Variants in ABLIM2 observed in about 807,000 individuals in gnomAD.
ABLIM2 encodes actin-binding LIM protein 2.
A neutral mutation model predicts 97.7 loss-of-function variants in ABLIM2; 53 were observed. The ratio of observed to expected loss-of-function variants is 0.54; its 90% confidence interval spans 0.44 to 0.68. The LOEUF (loss-of-function observed/expected upper bound fraction) is 0.68. ABLIM2 is among the 30% of genes least tolerant of loss of function. The probability of loss-of-function intolerance (pLI) is 0.00; values close to 1 mark genes in which losing one functional copy is unlikely to be tolerated. For synonymous variants in ABLIM2, 361 were observed against 345.8 expected, an observed-to-expected ratio of 1.04 and a Z score of -0.49; for missense variants, 835 against 867.2, an observed-to-expected ratio of 0.96 and a Z score of 0.47.
At chr4:8,153,066 C>G (rs926825973) in intron 1 of ABLIM2, among the ~76,000 whole-genome samples, 1 of 152,144 alleles carries the variant, frequency 6.6e-6, no homozygotes, top group South Asian at 2.1e-4. Context: ...TTGATGGCAT[C>G]AGGCCAGCAG....
rs760992340 is a variant in ABLIM2, at chr4:8,094,917, TTCCC to T, written c.338+2178_338+2181del. Among the ~76,000 whole-genome samples the T allele has an allele frequency of 1.4e-3, 206 of 146,966 alleles. 5 individuals are homozygous for T. Among genetic ancestry groups the T allele is most frequent in the African/African-American group, 8.3e-4 (33 of 39,618 alleles). On this transcript the variant is annotated intron_variant, in intron 3 of 20. Coordinates refer to ENST00000447017, the MANE Select transcript of ABLIM2 (RefSeq NM_001130083.2). Reference sequence around the variant, plus strand: ...GTAATTCCTTCCCTCCCTCCCTCTCTTCCCTCCCTCCCTCCCTTTCTTCCTTTCC... The same window carrying T: ...GTAATTCCTTCCCTCCCTCCCTCTCTTCCCTCCCTCCCTTTCTTCCTTTCC...
At chr4:8,020,600 C>G (rs1199739754) in intron 12 of ABLIM2, 3 of 465,928 alleles carry the variant, frequency 6.4e-6, no homozygotes, top group Non-Finnish European at 1.2e-5. Flanking sequence ...GGGCTCACTC[C>G]ATCTGCGCCT....
chr4:8,126,789 G>C (rs1023452583), intron 1 of ABLIM2, among the ~76,000 whole-genome samples: 2 of 152,004 alleles, frequency 1.3e-5, no homozygotes, highest in African/African-American at 2.4e-5. Flanking sequence ...CCAGATGGCC[G>C]GGCGTGTGGC....
In ABLIM2 at chr4:8,005,735, C is replaced by T. The variant is rs1275363718; in HGVS notation, c.1618+2324G>A. Among the ~76,000 whole-genome samples the T allele has an allele frequency of 2.0e-5, 3 of 152,198 alleles. No individual in the cohort carries two copies. Among genetic ancestry groups the T allele is most frequent in the African/African-American group, 7.2e-5 (3 of 41,446 alleles). On this transcript the variant is annotated intron_variant, in intron 16 of 20. Transcript: ENST00000447017. This position sits in a 1 kb window ranked among gnomAD's most constrained non-coding sequence, Gnocchi z 4.9. ...TGCCATCGGGACAGAAGTAAAGGCA[C>T]AATCAGAATGGTTAGACACAGCGGG... is the stretch of plus-strand genomic sequence containing the variant.
chr4:8,139,545 G>A (rs1364075783), intron 1 of ABLIM2, among the ~76,000 whole-genome samples: 5 of 152,104 alleles, frequency 3.3e-5, no homozygotes, highest in African/African-American at 9.7e-5. Context: ...TCAAAACCAC[G>A]ATGAGATACC....
rs1199288528 is a variant in ABLIM2, at chr4:8,022,780, C to T, written c.1268-2477G>A. 2 of 152,536 alleles carry T rather than the reference C, an allele frequency of 1.3e-5. No homozygotes were observed. Among genetic ancestry groups the T allele is most frequent in the Non-Finnish European group, 2.9e-5 (2 of 68,278 alleles). 9.4% of individuals were successfully genotyped at this position (152,536 alleles called of 1,614,324 possible). A position where few individuals can be genotyped will look rare whatever the true frequency, so the allele number is the denominator to read the frequency against. On this transcript the variant is annotated intron_variant, in intron 12 of 20. Coordinates refer to ENST00000447017, the MANE Select transcript of ABLIM2 (RefSeq NM_001130083.2). This position sits in a 1 kb window ranked among gnomAD's most constrained non-coding sequence, Gnocchi z 7.8. ...AGCTCCCACCTGGAGCACTGTGCTG[C>T]TAGGCTCACATCCCAGGGGGCTTCT...
chr4:8,138,334 G>C (rs182288552), intron 1 of ABLIM2, among the ~76,000 whole-genome samples: 1 of 152,024 alleles, frequency 6.6e-6, no homozygotes, highest in African/African-American at 2.4e-5. Context: ...TAGGGTGAGT[G>C]TATTTAATCA....
intron 1 of ABLIM2, among the ~76,000 whole-genome samples, chr4:8,139,210 CGGAAAAG>C (rs199736583): frequency 0.011 from 1,332 of 121,524 alleles, 8 homozygotes; most frequent in Non-Finnish European, 0.017. Context: ...AAAGAGAAAA[CGGAAAAG>C]GGAAAAGGGA....
intron 2 of ABLIM2, among the ~76,000 whole-genome samples, chr4:8,098,664 G>T (rs1342208534): frequency 1.3e-5 from 2 of 152,192 alleles, no homozygotes; most frequent in African/African-American, 4.8e-5. Flanking sequence ...TCGAATCCCA[G>T]CTCTACCCGC....
At position 8,095,118 on chromosome 4, in the gene ABLIM2, T is replaced by A. The variant is rs1830897825; in HGVS notation, c.338+1981A>T. ...TCTTTCTCTTTCCTTTTCTTTCTTT[T>A]CTTTCTACAGGGTCTTGCTCTGTTA... is the stretch of plus-strand genomic sequence containing the variant. On this transcript the variant is annotated intron_variant, in intron 3 of 20. Transcript: ENST00000447017. This position sits in a 1 kb window ranked among gnomAD's most constrained non-coding sequence, Gnocchi z 4.7. 6.6e-6 allele frequency among the ~76,000 whole-genome samples: 1 copy of A among 151,818 alleles called. No homozygotes were observed. Among genetic ancestry groups the A allele is most frequent in the Non-Finnish European group, 1.5e-5 (1 of 67,996 alleles).
Position 8,150,684 on chromosome 4 carries a change from G to A in ABLIM2, c.10+7996C>T, listed in dbSNP as rs188143170. 6.6e-6 allele frequency among the ~76,000 whole-genome samples: 1 copy of A among 152,198 alleles called. No individual in the cohort carries two copies. Among genetic ancestry groups the A allele is most frequent in the South Asian group, 2.1e-4 (1 of 4,830 alleles). ...GAATGCAGCTAAAATGAAGCTTCGA[G>A]CTGAGACCGATGACTCAAGACACCA... On this transcript the variant is annotated intron_variant, in intron 1 of 20. Transcript: ENST00000447017. This position sits in a 1 kb window ranked among gnomAD's most constrained non-coding sequence, Gnocchi z 6.3.
intron 3 of ABLIM2, among the ~76,000 whole-genome samples, chr4:8,089,872 G>T (rs1365581431): frequency 6.6e-6 from 1 of 152,082 alleles, no homozygotes; most frequent in African/African-American, 2.4e-5. Flanking sequence ...TCTCCTAGGG[G>T]GCCACGCTTG....
intron 14 of ABLIM2, among the ~76,000 whole-genome samples, chr4:8,013,669 G>A (rs2150608611): frequency 6.6e-6 from 1 of 152,262 alleles, no homozygotes; most frequent in East Asian, 1.9e-4. Context: ...GCCAGAGCTG[G>A]AGCCACTTTG....
intron 12 of ABLIM2, 187 bp from the exon 13 acceptor site, chr4:8,020,490 G>A (rs767045422): frequency 2.9e-6 from 2 of 678,802 alleles, no homozygotes; most frequent in Non-Finnish European, 5.3e-6. Flanking sequence ...CCAAGGACTT[G>A]CTAATCCAAC....
chr4:7,983,463 A>G (rs1740618974), intron 19 of ABLIM2, 84 bp downstream of exon 19: 1 of 1,593,514 alleles, frequency 6.3e-7, no homozygotes, highest in Non-Finnish European at 8.6e-7. Context: ...CACACATTTC[A>G]TAGGTAAAGC....
At position 8,032,570 on chromosome 4, in the gene ABLIM2, G is replaced by A; in HGVS notation, c.1048-2794C>T. 2 of 1,586,946 alleles carry A rather than the reference G, an allele frequency of 1.3e-6. No homozygotes were observed. Among genetic ancestry groups the A allele is most frequent in the Non-Finnish European group, 8.6e-7 (1 of 1,159,256 alleles). ...GCCACCGAGGAGGCCCTTCCCGGGA[G>A]TGCGGCTGGGTGGTTATGTTTATAA... On this transcript the variant is annotated intron_variant, in intron 10 of 20. Coordinates refer to ENST00000447017, the MANE Select transcript of ABLIM2 (RefSeq NM_001130083.2). This position sits in a 1 kb window ranked among gnomAD's most constrained non-coding sequence, Gnocchi z 4.3.
chr4:8,005,224 A>G lies in ABLIM2; in HGVS notation c.1618+2835T>C, dbSNP rs895251280. The G allele has an allele frequency of 1.9e-5, 9 of 482,250 alleles. No individual in the cohort carries two copies. The highest frequency in any genetic ancestry group is 5.7e-5 in the East Asian group (1 of 17,468). 29.9% of individuals were successfully genotyped at this position (482,250 alleles called of 1,614,324 possible). The stretch of plus-strand genomic sequence containing the variant: ...CTCTGTCGGCGTCTCTGCCTCTCTC[A>G]GCTCCCTGCACGCTTCTCCAGGTCA... On this transcript the variant is annotated intron_variant, in intron 16 of 20. Transcript: ENST00000447017. This position sits in a 1 kb window ranked among gnomAD's most constrained non-coding sequence, Gnocchi z 4.9.
In ABLIM2 at chr4:8,072,174, C is replaced by T. The variant is rs1255778412; in HGVS notation, c.675+5454G>A. Among the ~76,000 whole-genome samples, 1 of 152,220 alleles carries T rather than the reference C, an allele frequency of 6.6e-6. No homozygotes were observed. Among genetic ancestry groups the T allele is most frequent in the Non-Finnish European group, 1.5e-5 (1 of 68,030 alleles). ...CACAGCAGAGGAGGAGGAAAAAACC[C>T]AGACCTGTTTTGCTCCTGTTCCTCG... On this transcript the variant is annotated intron_variant, in intron 6 of 20. Transcript: ENST00000447017. This position sits in a 1 kb window ranked among gnomAD's most constrained non-coding sequence, Gnocchi z 5.8.
chr4:8,092,994 G>A (rs567113955), intron 3 of ABLIM2, among the ~76,000 whole-genome samples: 21 of 152,082 alleles, frequency 1.4e-4, no homozygotes, highest in African/African-American at 4.1e-4. Context: ...GATTACAGGC[G>A]CCCACCACCA....
Sources: gnomAD v4.1 joint callset for allele counts (sites outside exome capture counted in the v4.1 genomes callset) on GRCh38, gnomAD v4.1.1 for gene constraint, Gnocchi (gnomAD v3.1) non-coding constraint, MANE v1.5 for transcripts, NCBI Gene and HGNC (gene_info 2026-07-23, HGNC 2026-07-21) for gene names.